Variants in GABBR2 observed in about 807,000 individuals in gnomAD.
GABBR2 encodes G-protein coupled receptor 51.
GABBR2 carries 23 observed loss-of-function variants against 105.6 expected under a neutral mutation model. The ratio of observed to expected loss-of-function variants is 0.22; its 90% confidence interval spans 0.16 to 0.31. GABBR2 has a LOEUF of 0.31. GABBR2 is among the 10% of genes least tolerant of loss of function. The pLI, the probability that GABBR2 is intolerant of heterozygous loss-of-function variation, is 1.00. For missense variants in GABBR2, 734 were observed against 1,245.5 expected (o/e 0.59, Z 6.18); for synonymous variants, 478 against 499.7 (o/e 0.96, Z 0.58).
At chr9:98,648,124 G>GTGTGTGTGTGTGT (rs1564140825) in intron 1 of GABBR2, among the ~76,000 whole-genome samples, 671 of 58,618 alleles carry the variant, frequency 0.011, 4 homozygotes, top group Non-Finnish European at 0.02. Context: ...TGTATAGATA[G>GTGTGTGTGTGTGT]ATAGATAGAT....
intron 1 of GABBR2, among the ~76,000 whole-genome samples, chr9:98,637,085 C>T (rs888479955): frequency 3.3e-5 from 5 of 152,186 alleles, no homozygotes; most frequent in Admixed American, 2.0e-4. Context: ...TGAAGAGCTG[C>T]AACCCTTAAA....
intron 7 of GABBR2, among the ~76,000 whole-genome samples, chr9:98,424,013 G>T (rs1327773291): frequency 6.6e-6 from 1 of 152,038 alleles, no homozygotes; most frequent in Admixed American, 6.6e-5. Context: ...ATGCTGTTTT[G>T]GTTACTGTAG....
rs186699177 is a variant in GABBR2 at position 98,607,058 on chromosome 9, C to T, written c.322-28986G>A. Reference sequence around the variant, plus strand: ...TTGCCAATCTCCCAAACCAAGTATACAGAAAATCAGTTAAGAGATCTGGTT... The same window carrying T: ...TTGCCAATCTCCCAAACCAAGTATATAGAAAATCAGTTAAGAGATCTGGTT... On this transcript the variant is annotated intron_variant, in intron 1 of 18. Coordinates refer to ENST00000259455, the MANE Select transcript of GABBR2 (RefSeq NM_005458.8). 1,896 of 1,429,550 alleles carry T rather than the reference C, an allele frequency of 1.3e-3. 4 individuals carry two copies. The highest frequency in any genetic ancestry group is 3.5e-3 in the Admixed American group (211 of 59,774). 88.6% of individuals were successfully genotyped at this position (1,429,550 alleles called of 1,614,324 possible). A position where few individuals can be genotyped will look rare whatever the true frequency, so the allele number is the denominator to read the frequency against.
At chr9:98,531,643 G>A (rs1431380106) in intron 3 of GABBR2, among the ~76,000 whole-genome samples, 1 of 152,254 alleles carries the variant, frequency 6.6e-6, no homozygotes, top group African/African-American at 2.4e-5. Flanking sequence ...GGGTAGGACA[G>A]AGCACTGCTA....
rs183454882 is a variant in GABBR2 at position 98,607,390 on chromosome 9, T to C, written c.322-29318A>G. 153 of 668,242 alleles carry C rather than the reference T, an allele frequency of 2.3e-4. No individual in the cohort carries two copies. The East Asian group carries it at 3.7e-3, about 16-fold the overall frequency. The allele number at this position is 668,242 out of a possible 1,614,324, so 41.4% of individuals were successfully genotyped here. A position where few individuals can be genotyped will look rare whatever the true frequency, so the allele number is the denominator to read the frequency against. ...TATGAAGCGTTTGCATGAAACAGTATCATCTCACTTATTGCCACAGAAGAC... is the reference window on the plus strand; with the variant it reads ...TATGAAGCGTTTGCATGAAACAGTACCATCTCACTTATTGCCACAGAAGAC... On this transcript the variant is annotated intron_variant, in intron 1 of 18. Transcript: ENST00000259455.
intron 17 of GABBR2, among the ~76,000 whole-genome samples, chr9:98,294,400 C>T (rs1830348248): frequency 6.6e-6 from 1 of 152,070 alleles, no homozygotes. Context: ...CATAAAAGGA[C>T]CTATTTTTTA....
chr9:98,677,786 C>T (rs970920261), intron 1 of GABBR2, among the ~76,000 whole-genome samples: 3 of 152,092 alleles, frequency 2.0e-5, no homozygotes, highest in Admixed American at 6.6e-5. Context: ...CAGTGGCTCT[C>T]CCTCCAGCCT....
At chr9:98,631,842 C>G (rs1829819776) in intron 1 of GABBR2, among the ~76,000 whole-genome samples, 1 of 152,172 alleles carries the variant, frequency 6.6e-6, no homozygotes. Flanking sequence ...ATTAATTATG[C>G]ATGCATTCAA....
chr9:98,513,406 G>A (rs2131700156), intron 3 of GABBR2, among the ~76,000 whole-genome samples: 1 of 152,224 alleles, frequency 6.6e-6, no homozygotes, highest in South Asian at 2.1e-4. Context: ...ATTGACAAAT[G>A]GGATCTAATT....
chr9:98,618,580 CTCTG>C (rs1014541338), intron 1 of GABBR2, among the ~76,000 whole-genome samples: 4 of 151,984 alleles, frequency 2.6e-5, no homozygotes, highest in African/African-American at 7.3e-5. Flanking sequence ...CTCTCTCTCT[CTCTG>C]TCTATCTCTG....
At position 98,385,903 on chromosome 9, in the gene GABBR2, C is replaced by T. The variant is rs41273933; in HGVS notation, c.1530-131G>A. The stretch of plus-strand genomic sequence containing the variant: ...GAGGGGAGAGAGAGAAACAGAAATA[C>T]GCCATGGGGCCTCAGGGGACACATC... On this transcript the variant is annotated intron_variant, in intron 10 of 18. Coordinates refer to ENST00000259455, the MANE Select transcript of GABBR2 (RefSeq NM_005458.8). 65,290 of 690,152 alleles carry T rather than the reference C, an allele frequency of 0.095. 3,666 individuals carry two copies. Among genetic ancestry groups the T allele is most frequent in the South Asian group, 0.13 (7,010 of 52,892 alleles). The allele number at this position is 690,152 out of a possible 1,614,324, so 42.8% of individuals were successfully genotyped here.
At chr9:98,596,938 G>A (rs10986912) in intron 1 of GABBR2, among the ~76,000 whole-genome samples, 41,591 of 152,062 alleles carry the variant, frequency 0.27, 6,186 homozygotes, top group Non-Finnish European at 0.34. Context: ...GGCAAGCACT[G>A]AGGGAGGCCA....
At position 98,559,096 on chromosome 9, in the gene GABBR2, T is replaced by A. The variant is rs1182508124; in HGVS notation, c.460-17053A>T. Among the ~76,000 whole-genome samples the A allele has an allele frequency of 2.0e-5, 3 of 152,336 alleles. No homozygotes were observed. The South Asian group carries it at 6.2e-4, about 32-fold the overall frequency. ...TTTTTATTTCAGCTCTAAAATTTCA[T>A]GATTTAGTAATTATATGTTTAATTA... On this transcript the variant is annotated intron_variant, in intron 2 of 18. Transcript: ENST00000259455.
chr9:98,673,188 AG>A (rs1830427670), intron 1 of GABBR2, among the ~76,000 whole-genome samples: 1 of 152,204 alleles, frequency 6.6e-6, no homozygotes, highest in Non-Finnish European at 1.5e-5. Flanking sequence ...TAAAATATCC[AG>A]GGAAGATGTG....
At chr9:98,473,789 C>T (rs567088578) in intron 5 of GABBR2, among the ~76,000 whole-genome samples, 1 of 152,218 alleles carries the variant, frequency 6.6e-6, no homozygotes, top group African/African-American at 2.4e-5. Flanking sequence ...TAGTCTCTAA[C>T]CCTAAAAATG....
intron 1 of GABBR2, among the ~76,000 whole-genome samples, chr9:98,645,049 T>C (rs141632443): frequency 1.1e-3 from 173 of 152,302 alleles, no homozygotes; most frequent in African/African-American, 3.9e-3. Context: ...AGGCACACGC[T>C]GACAAGACTC....
chr9:98,470,082 G>A (rs1314206726), intron 6 of GABBR2, among the ~76,000 whole-genome samples: 1 of 152,190 alleles, frequency 6.6e-6, no homozygotes, highest in African/African-American at 2.4e-5. Context: ...ACACCCTCTA[G>A]AGAGAATGTT....
rs562955186 is a variant in GABBR2, at chr9:98,311,028, C to T, written c.2004+67G>A. 9.5e-5 allele frequency: 80 copies of T among 839,128 alleles called. No individual in the cohort carries two copies. In the African/African-American group the frequency reaches 1.2e-3, roughly 12 times the overall value. 52.0% of individuals were successfully genotyped at this position (839,128 alleles called of 1,614,324 possible). On this transcript the variant is annotated intron_variant, in intron 14 of 18. Coordinates refer to ENST00000259455, the MANE Select transcript of GABBR2 (RefSeq NM_005458.8). Reference sequence around the variant, plus strand: ...CTGTTTATTTTTACATTGATGGAGGCCCCTGGGAGACAGAGGCCCAACAAA... The same window carrying T: ...CTGTTTATTTTTACATTGATGGAGGTCCCTGGGAGACAGAGGCCCAACAAA...
intron 1 of GABBR2, among the ~76,000 whole-genome samples, chr9:98,634,754 C>G (rs1217098115): frequency 6.6e-6 from 1 of 152,172 alleles, no homozygotes; most frequent in African/African-American, 2.4e-5. Context: ...CTATCCCGAT[C>G]AAAAGTGTAG....
Sources: gnomAD v4.1 joint callset for allele counts (sites outside exome capture counted in the v4.1 genomes callset) on GRCh38, gnomAD v4.1.1 for gene constraint, MANE v1.5 for transcripts, NCBI Gene and HGNC (gene_info 2026-07-23, HGNC 2026-07-21) for gene names.